Variants in SAMD5 observed in about 807,000 individuals in gnomAD.
SAMD5 encodes the protein sterile alpha motif domain-containing protein 5.
A neutral mutation model predicts 11.3 loss-of-function variants in SAMD5; 13 were observed. The observed-to-expected ratio is 1.15, with a 90% CI of 0.75 to 1.83. The LOEUF is 1.83. Among genes scored for constraint, SAMD5 ranks in the 40% most tolerant of loss-of-function variants. The pLI is 0.00. For synonymous variants in SAMD5, 129 were observed against 111.3 expected, an observed-to-expected ratio of 1.16 and a Z score of -1.00; for missense variants, 255 against 239.1, an observed-to-expected ratio of 1.07 and a Z score of -0.44.
chr6:147,813,723 C>T, the SAMD5 span, among the ~76,000 whole-genome samples: 1 of 152,134 alleles, frequency 6.6e-6, no homozygotes, highest in Admixed American at 6.5e-5. Context: ...TAGCAATATG[C>T]CTTCTTTTGC....
At chr6:147,918,207 C>A in the SAMD5 span, among the ~76,000 whole-genome samples, 1 of 152,126 alleles carries the variant, frequency 6.6e-6, no homozygotes, top group Admixed American at 6.5e-5. Context: ...ATGGAATGTT[C>A]TTCCATTTGT....
At chr6:147,913,332 A>C in the SAMD5 span, among the ~76,000 whole-genome samples, 1 of 152,204 alleles carries the variant, frequency 6.6e-6, no homozygotes, top group African/African-American at 2.4e-5. Flanking sequence ...TGGATGAAGC[A>C]GTTTTGAAAC....
the SAMD5 span, among the ~76,000 whole-genome samples, chr6:147,880,320 C>T: frequency 5.3e-5 from 8 of 152,170 alleles, no homozygotes; most frequent in African/African-American, 1.9e-4. Flanking sequence ...GTTGCTCTTT[C>T]TCCCTCTCCT....
chr6:147,535,298 T>A (rs1325069212), intron 1 of SAMD5, among the ~76,000 whole-genome samples: 1 of 152,226 alleles, frequency 6.6e-6, no homozygotes, highest in African/African-American at 2.4e-5. Context: ...TTAGTATTTT[T>A]ATTTATAGTG....
At chr6:147,690,984 T>TTGGGGGGG (rs1562352656) in intron 1 of SAMD5, among the ~76,000 whole-genome samples, 1 of 74,468 alleles carries the variant, frequency 1.3e-5, no homozygotes, top group Non-Finnish European at 2.8e-5. Context: ...TTTTTTTTTT[T>TTGGGGGGG]GGTGGGGATC....
At chr6:147,555,592 A>G (rs1788842813) in intron 1 of SAMD5, among the ~76,000 whole-genome samples, 1 of 152,214 alleles carries the variant, frequency 6.6e-6, no homozygotes, top group African/African-American at 2.4e-5. Context: ...ATATTGAATA[A>G]TGATATGTGT....
chr6:147,906,681 G>A, the SAMD5 span, among the ~76,000 whole-genome samples: 60 of 152,286 alleles, frequency 3.9e-4, no homozygotes, highest in East Asian at 1.7e-3. Context: ...TCAGTGAGGT[G>A]GGAGAAGTCT....
intron 1 of SAMD5, among the ~76,000 whole-genome samples, chr6:147,690,998 G>T (rs1562352667): frequency 6.7e-6 from 1 of 149,664 alleles, no homozygotes; most frequent in Non-Finnish European, 1.5e-5. Flanking sequence ...GGGGATCGGG[G>T]GTGTGGGGGT....
chr6:147,573,497 C>T (rs1004584894), downstream of SAMD5, among the ~76,000 whole-genome samples: 80 of 152,168 alleles, frequency 5.3e-4, 1 homozygote, highest in African/African-American at 1.9e-3. Context: ...GAGGTCCCTC[C>T]CTTGACACAT....
chr6:147,855,489 G>T, the SAMD5 span, among the ~76,000 whole-genome samples: 4 of 152,074 alleles, frequency 2.6e-5, no homozygotes, highest in African/African-American at 4.8e-5. Context: ...TATATCCCTT[G>T]CCAGTAAATT....
At chr6:147,524,195 A>G (rs896783098) in intron 1 of SAMD5, among the ~76,000 whole-genome samples, 1 of 150,520 alleles carries the variant, frequency 6.6e-6, no homozygotes, top group Non-Finnish European at 1.5e-5. Context: ...TGGTGAATTG[A>G]CTCTTCCGCT....
chr6:147,614,152 A>G (rs1789830166), intron 1 of SAMD5, among the ~76,000 whole-genome samples: 1 of 151,964 alleles, frequency 6.6e-6, no homozygotes. Context: ...GGCATCTGAC[A>G]CAGAGTGAAC....
the SAMD5 span, among the ~76,000 whole-genome samples, chr6:147,789,445 GTTAT>G: frequency 6.6e-6 from 1 of 151,952 alleles, no homozygotes; most frequent in Non-Finnish European, 1.5e-5. Context: ...ATTTTTGAGA[GTTAT>G]TTTTTAGGAG....
intron 1 of SAMD5, among the ~76,000 whole-genome samples, chr6:147,510,377 A>G (rs1788070317): frequency 6.6e-6 from 1 of 152,228 alleles, no homozygotes; most frequent in Admixed American, 6.5e-5. Flanking sequence ...TTGATAGAGA[A>G]GTAGACAGCA....
intron 1 of SAMD5, among the ~76,000 whole-genome samples, chr6:147,666,892 C>A (rs890099331): frequency 6.6e-5 from 10 of 152,166 alleles, no homozygotes; most frequent in Admixed American, 6.5e-4. Context: ...TCCCCTGGCC[C>A]TTTCCCTATC....
chr6:147,634,796 G>A (rs73587485), intron 1 of SAMD5, among the ~76,000 whole-genome samples: 6,264 of 152,278 alleles, frequency 0.041, 240 homozygotes, highest in African/African-American at 0.098. Flanking sequence ...AATGAGTTCA[G>A]CATCTTTTTG....
intron 1 of SAMD5, among the ~76,000 whole-genome samples, chr6:147,709,463 T>C (rs1246795042): frequency 6.6e-6 from 1 of 152,240 alleles, no homozygotes; most frequent in East Asian, 1.9e-4. Flanking sequence ...CATAATCAAA[T>C]TGATTCTTTA....
the SAMD5 span, among the ~76,000 whole-genome samples, chr6:147,805,135 T>C: frequency 6.6e-6 from 1 of 152,368 alleles, no homozygotes; most frequent in East Asian, 1.9e-4. Context: ...ATCAGTTGTA[T>C]GTAGTTTAAC....
At chr6:147,650,517 G>A (rs1335910579) in intron 1 of SAMD5, among the ~76,000 whole-genome samples, 1 of 152,232 alleles carries the variant, frequency 6.6e-6, no homozygotes, top group Non-Finnish European at 1.5e-5. Context: ...GGTATGCAAT[G>A]CTGTAGAGAT....
Sources: gnomAD v4.1 joint callset for allele counts (sites outside exome capture counted in the v4.1 genomes callset) on GRCh38, gnomAD v4.1.1 for gene constraint, MANE v1.5 for transcripts, NCBI Gene and HGNC (gene_info 2026-07-23, HGNC 2026-07-21) for gene names.